Variants in ULK2 observed in about 807,000 individuals in gnomAD.
The protein encoded by ULK2 is serine/threonine-protein kinase ULK2.
ULK2 carries 76 observed loss-of-function variants against 127.5 expected under a neutral mutation model. The ratio of observed to expected loss-of-function variants is 0.60; its 90% CI spans 0.50 to 0.72. The LOEUF (loss-of-function observed/expected upper bound fraction) is 0.72, where lower values mean the gene tolerates loss of function less well. Ranked by LOEUF, ULK2 falls within the 30% of genes least tolerant of loss-of-function variation. ULK2 has a pLI of 0.00. For synonymous variants in ULK2, 452 were observed against 461.9 expected, an observed-to-expected ratio of 0.98 and a Z score of 0.28; for missense variants, 1,144 against 1,295.9, an observed-to-expected ratio of 0.88 and a Z score of 1.80.
intron 13 of ULK2, among the ~76,000 whole-genome samples, chr17:19,814,084 CA>C (rs1020582482): frequency 1.3e-5 from 2 of 151,702 alleles, no homozygotes; most frequent in African/African-American, 4.8e-5. Context: ...ATAATATAGA[CA>C]AAAAAAGAAA....
chr17:19,804,489 TA>T (rs1429059326), intron 15 of ULK2, among the ~76,000 whole-genome samples: 1 of 151,858 alleles, frequency 6.6e-6, no homozygotes, highest in East Asian at 1.9e-4. Context: ...TACAAATATA[TA>T]CATATCATAC....
intron 11 of ULK2, 51 bp from the exon 12 acceptor site, chr17:19,825,233 G>A (rs553919427): frequency 1.3e-6 from 2 of 1,529,620 alleles, no homozygotes; most frequent in South Asian, 2.3e-5. Context: ...GCAGTCACAT[G>A]ACCTGTATAA....
intron 9 of ULK2, among the ~76,000 whole-genome samples, chr17:19,840,972 G>A (rs2041737275): frequency 1.3e-5 from 2 of 151,940 alleles, no homozygotes; most frequent in Admixed American, 6.6e-5. Context: ...AAAAACAAAA[G>A]GACGCTGCAA....
intron 15 of ULK2, among the ~76,000 whole-genome samples, chr17:19,804,255 C>A (rs976178644): frequency 3.3e-5 from 5 of 151,586 alleles, no homozygotes; most frequent in Non-Finnish European, 7.4e-5. Flanking sequence ...AAAGAATAAT[C>A]TATTCTTATT....
intron 3 of ULK2, 51 bp from the exon 4 acceptor site, chr17:19,849,825 T>C (rs1475961139): frequency 8.6e-7 from 1 of 1,158,042 alleles, no homozygotes; most frequent in Non-Finnish European, 1.2e-6. Flanking sequence ...AAACACAAAA[T>C]TTAAAGATAA....
At chr17:19,813,691 G>C (rs2040897527) in intron 13 of ULK2, among the ~76,000 whole-genome samples, 1 of 152,028 alleles carries the variant, frequency 6.6e-6, no homozygotes, top group African/African-American at 2.4e-5. Context: ...GAGCAGTTTT[G>C]AAACATTTAC....
At chr17:19,815,826 C>A (rs1444435873) in intron 13 of ULK2, among the ~76,000 whole-genome samples, 2 of 151,818 alleles carry the variant, frequency 1.3e-5, no homozygotes, top group Non-Finnish European at 2.9e-5. Context: ...GCACGTTGTG[C>A]ACATGTACCC....
At chr17:19,844,294 TTTTAAC>T (rs1423407991) in intron 7 of ULK2, among the ~76,000 whole-genome samples, 2 of 152,186 alleles carry the variant, frequency 1.3e-5, no homozygotes, top group African/African-American at 4.8e-5. Context: ...TAACATTTCC[TTTTAAC>T]TTTAATTCTT....
intron 10 of ULK2, among the ~76,000 whole-genome samples, chr17:19,835,560 C>G (rs1256402249): frequency 6.7e-6 from 1 of 149,606 alleles, no homozygotes; most frequent in Non-Finnish European, 1.5e-5. Flanking sequence ...ACTAAAAATA[C>G]AAAAAAATTA....
intron 3 of ULK2, among the ~76,000 whole-genome samples, chr17:19,863,466 A>G (rs2042285560): frequency 6.6e-6 from 1 of 150,396 alleles, no homozygotes; most frequent in Non-Finnish European, 1.5e-5. Context: ...CAGCTCTCAC[A>G]TGGTATCACA....
intron 15 of ULK2, among the ~76,000 whole-genome samples, chr17:19,803,075 T>C (rs1186403720): frequency 6.6e-6 from 1 of 152,226 alleles, no homozygotes; most frequent in Non-Finnish European, 1.5e-5. Flanking sequence ...AGTTTTATCA[T>C]CACTTGTTTT....
At chr17:19,816,947 C>G in intron 12 of ULK2, 27 bp from the exon 13 acceptor site, 2 of 1,580,156 alleles carry the variant, frequency 1.3e-6, no homozygotes, top group Non-Finnish European at 1.7e-6. Context: ...AAAATTAAAA[C>G]TGGTCTAATA....
At chr17:19,845,509 T>A in intron 6 of ULK2, 132 bp from the exon 7 acceptor site, 3 of 619,122 alleles carry the variant, frequency 4.8e-6, no homozygotes, top group African/African-American at 1.9e-5. Context: ...AATTAGACTG[T>A]CCACCAAAAA....
chr17:19,834,910 G>GAAA (rs199677501), intron 10 of ULK2, among the ~76,000 whole-genome samples: 1 of 120,950 alleles, frequency 8.3e-6, no homozygotes. Flanking sequence ...CTCTGTCTCA[G>GAAA]AAAAAAAAAA....
At chr17:19,817,823 G>C (rs767828516) in intron 12 of ULK2, among the ~76,000 whole-genome samples, 10 of 152,130 alleles carry the variant, frequency 6.6e-5, no homozygotes, top group Non-Finnish European at 1.3e-4. Flanking sequence ...CTGCTCCTTT[G>C]AATGTCACTG....
intron 6 of ULK2, among the ~76,000 whole-genome samples, chr17:19,845,880 G>A (rs1296400740): frequency 1.3e-5 from 2 of 152,206 alleles, no homozygotes; most frequent in African/African-American, 4.8e-5. Flanking sequence ...AGGCTGAGGT[G>A]GGCAGATCAC....
intron 21 of ULK2, among the ~76,000 whole-genome samples, chr17:19,784,952 C>T (rs1375483106): frequency 1.3e-5 from 2 of 152,082 alleles, no homozygotes; most frequent in Non-Finnish European, 2.9e-5. Flanking sequence ...GATCTATTTT[C>T]TCTTATCTAT....
chr17:19,812,180 G>C (rs947789929), intron 13 of ULK2, among the ~76,000 whole-genome samples: 1 of 152,138 alleles, frequency 6.6e-6, no homozygotes, highest in African/African-American at 2.4e-5. Flanking sequence ...ACTGAAGGTA[G>C]GACTAAAAGC....
chr17:19,783,756 TG>T lies in ULK2; in HGVS notation c.2400del (p.Ser801AlafsTer2). 4 of 1,600,676 alleles carry T rather than the reference TG, an allele frequency of 2.5e-6. No homozygotes were observed. The highest frequency in any genetic ancestry group is 1.7e-5 in the Admixed American group (1 of 58,292). On this transcript the variant is annotated frameshift_variant, in exon 22 of 27. Coordinates refer to ENST00000395544, the MANE Select transcript of ULK2 (RefSeq NM_014683.4). LOFTEE classifies it high-confidence loss of function. ...LRYVPYGASPPSLEGLITFEA... is the reference protein window; with the variant it reads ...LRYVPYGASPXSLEGLITFEA... ...TCAAAGGTGATGAGCCCCTCTAGGCTGGGGGGTGAAGCACCGTAAGGCACGT... is the reference window on the plus strand; with the variant it reads ...TCAAAGGTGATGAGCCCCTCTAGGCTGGGGGTGAAGCACCGTAAGGCACGT...
Sources: gnomAD v4.1 joint callset for allele counts (sites outside exome capture counted in the v4.1 genomes callset) on GRCh38, gnomAD v4.1.1 for gene constraint, MANE v1.5 for transcripts, NCBI Gene and HGNC (gene_info 2026-07-23, HGNC 2026-07-21) for gene names.